The following KRT71 variants were observed in gnomAD, a reference collection of about 807,000 sequenced individuals.
The protein encoded by KRT71 is keratin, type II cytoskeletal 71.
In KRT71, 42 loss-of-function variants were observed where a neutral mutation model predicts 46.2. The ratio of observed to expected loss-of-function variants is 0.91; its 90% CI spans 0.71 to 1.18. The LOEUF (loss-of-function observed/expected upper bound fraction) is 1.18. KRT71 is among the 50% of genes most tolerant of loss of function. The probability of loss-of-function intolerance (pLI) is 0.00; values close to 1 mark genes in which losing one functional copy is unlikely to be tolerated. For synonymous variants in KRT71, 292 were observed against 277.8 expected, an observed-to-expected ratio of 1.05 and a Z score of -0.51; for missense variants, 708 against 677.9, an observed-to-expected ratio of 1.04 and a Z score of -0.49.
chr12:52,548,369 C>T, intron 4 of KRT71, 53 bp from the exon 5 acceptor site: 1 of 1,554,636 alleles, frequency 6.4e-7, no homozygotes, highest in Non-Finnish European at 8.7e-7. Context: ...GGAAGCCAAC[C>T]ACCACCCCCA....
At chr12:52,549,921 A>G in intron 2 of KRT71, 108 bp downstream of exon 2, 1 of 1,294,846 alleles carries the variant, frequency 7.7e-7, no homozygotes, top group South Asian at 1.3e-5. Flanking sequence ...ATGACCAAGA[A>G]CAATGCCCTC....
chr12:52,550,236 A>G lies in KRT71; in HGVS notation c.449T>C (p.Phe150Ser). 6.2e-7 allele frequency: 1 copy of G among 1,614,072 alleles called. No individual in the cohort carries two copies. Among genetic ancestry groups the G allele is most frequent in the South Asian group, 1.1e-5 (1 of 91,070 alleles). ...KFASFIDKVR[F>S]LEQQNQVLET... ...CAGTACCTGGTTCTGCTGCTCCAGG[A>G]ACCGCACCTGGAACCCAGATCCCAG... Residue 150 changes from phenylalanine (F) to serine (S), a missense_variant, in exon 2 of 9, where the codon TTC becomes TCC. Physicochemically the swap from Phe to Ser is radical, Grantham distance 155. Coordinates refer to ENST00000267119, the MANE Select transcript of KRT71 (RefSeq NM_033448.3).
intron 7 of KRT71, 61 bp downstream of exon 7, chr12:52,546,225 C>A: frequency 6.3e-7 from 1 of 1,580,588 alleles, no homozygotes; most frequent in South Asian, 1.1e-5. Flanking sequence ...ATGTGTTAGG[C>A]TTTCTCCTTT....
chr12:52,548,325 G>T lies in KRT71; in HGVS notation c.814-9C>A. 1.2e-6 allele frequency: 2 copies of T among 1,603,016 alleles called. No homozygotes were observed. The highest frequency in any genetic ancestry group is 1.7e-6 in the Non-Finnish European group (2 of 1,174,006). ...TGGATCTGAGTGATCTCCTGCAGGGGACACAGAAATGGTCTCTCGGCTCAA... is the reference window on the plus strand; with the variant it reads ...TGGATCTGAGTGATCTCCTGCAGGGTACACAGAAATGGTCTCTCGGCTCAA... On this transcript the variant is annotated splice_polypyrimidine_tract_variant and intron_variant, in intron 4 of 8. Coordinates refer to ENST00000267119, the MANE Select transcript of KRT71 (RefSeq NM_033448.3).
intron 4 of KRT71, 114 bp from the exon 5 acceptor site, chr12:52,548,430 G>C: frequency 8.1e-7 from 1 of 1,238,352 alleles, no homozygotes; most frequent in Admixed American, 2.2e-5. Flanking sequence ...GGAACCCAAG[G>C]CTGCTGCCAT....
At position 52,544,017 on chromosome 12, in the gene KRT71, A is replaced by T. The variant is rs1482328320; in HGVS notation, c.*515T>A. ...CTTCTGGGTGCAGGTGAGTGGAGAA[A>T]AAGGCCCTGAATTGCACTTGGTCCC... On this transcript the variant is annotated 3_prime_UTR_variant, in exon 9 of 9. Transcript: ENST00000267119. 6.3e-6 allele frequency: 1 copy of T among 159,590 alleles called. No homozygotes were observed. Among genetic ancestry groups the T allele is most frequent in the Non-Finnish European group, 1.4e-5 (1 of 72,070 alleles). The allele number at this position is 159,590 out of a possible 1,614,324, so 9.9% of individuals were successfully genotyped here. A position where few individuals can be genotyped will look rare whatever the true frequency, so the allele number is the denominator to read the frequency against.
rs140307648 is a variant in KRT71, at chr12:52,544,619, G to A, written c.1485C>T (p.Gly495=). Residue 495 remains glycine (G), a synonymous_variant, in exon 9 of 9, where the codon GGC becomes GGT. Coordinates refer to ENST00000267119, the MANE Select transcript of KRT71 (RefSeq NM_033448.3). The part of the protein sequence containing the change: ...SGVCSVRGGE[G]RSRGSANDYK... Reference sequence around the variant, plus strand: ...AATCGTTGGCACTGCCCCGGCTCCTGCCCTCCCCGCCTCTCACGCTGCACA... The same window carrying A: ...AATCGTTGGCACTGCCCCGGCTCCTACCCTCCCCGCCTCTCACGCTGCACA... 2.2e-4 allele frequency: 360 copies of A among 1,613,990 alleles called. No homozygotes were observed. The African/African-American group carries it at 4.4e-3, about 20-fold the overall frequency.
chr12:52,549,017 CG>C (rs1939112314), intron 3 of KRT71, among the ~76,000 whole-genome samples: 1 of 152,156 alleles, frequency 6.6e-6, no homozygotes. Context: ...AGCTGGGTCC[CG>C]GGGCTGCAGG....
At chr12:52,550,873 C>T (rs1278929234) in intron 1 of KRT71, among the ~76,000 whole-genome samples, 2 of 152,202 alleles carry the variant, frequency 1.3e-5, no homozygotes, top group Non-Finnish European at 1.5e-5. Flanking sequence ...TCCATACACA[C>T]CTCTTGTTTG....
At chr12:52,544,888 A>T (rs1939034086) in intron 8 of KRT71, 145 bp from the exon 9 acceptor site, 1 of 692,816 alleles carries the variant, frequency 1.4e-6, no homozygotes, top group Non-Finnish European at 2.5e-6. Flanking sequence ...TGTACCAAAG[A>T]CAGCTTCCCT....
Position 52,552,977 on chromosome 12 carries a change from G to T in KRT71, c.101C>A (p.Ala34Glu), listed in dbSNP as rs780306278. The change falls in exon 1 of 9, where the codon GCA becomes GAA. Residue 34 changes from alanine (A) to glutamate (E), a missense_variant. Coordinates refer to ENST00000267119, the MANE Select transcript of KRT71 (RefSeq NM_033448.3). Reference protein sequence around the residue: ...LSGGSSSSFRAGSKGLSGGFG... With the variant: ...LSGGSSSSFREGSKGLSGGFG... Reference sequence around the variant, plus strand: ...GCCCCCACTGAGCCCTTTGCTCCCTGCCCGGAAGGAGGATGAGCTGCCCCC... The same window carrying T: ...GCCCCCACTGAGCCCTTTGCTCCCTTCCCGGAAGGAGGATGAGCTGCCCCC... The T allele has an allele frequency of 6.2e-7, 1 of 1,614,176 alleles. No individual in the cohort carries two copies. Among genetic ancestry groups the T allele is most frequent in the Non-Finnish European group, 8.5e-7 (1 of 1,180,046 alleles).
At chr12:52,549,922 C>A (rs1486225971) in intron 2 of KRT71, 107 bp downstream of exon 2, 10 of 1,298,628 alleles carry the variant, frequency 7.7e-6, no homozygotes, top group Non-Finnish European at 9.8e-6. Flanking sequence ...TGACCAAGAA[C>A]AATGCCCTCC....
At chr12:52,549,617 C>A (rs1668285582) in intron 2 of KRT71, among the ~76,000 whole-genome samples, 1 of 152,160 alleles carries the variant, frequency 6.6e-6, no homozygotes, top group Non-Finnish European at 1.5e-5. Flanking sequence ...CTCAGAGGAA[C>A]CAGGATGTGA....
rs1046392996 is a variant in KRT71 at position 52,544,188 on chromosome 12, G to T, written c.*344C>A. On this transcript the variant is annotated 3_prime_UTR_variant, in exon 9 of 9. Coordinates refer to ENST00000267119, the MANE Select transcript of KRT71 (RefSeq NM_033448.3). ...TAGGTCCCAGTGTGTGCGGGGCCTT[G>T]GGCAGAGACCCAGGGAGCCCAGCAG... The T allele has an allele frequency of 8.1e-6, 3 of 368,124 alleles. No individual in the cohort carries two copies. Among genetic ancestry groups the T allele is most frequent in the African/African-American group, 2.0e-5 (1 of 49,132 alleles). 22.8% of individuals were successfully genotyped at this position (368,124 alleles called of 1,614,324 possible). A position where few individuals can be genotyped will look rare whatever the true frequency, so the allele number is the denominator to read the frequency against.
intron 1 of KRT71, among the ~76,000 whole-genome samples, chr12:52,550,733 C>T (rs1939154619): frequency 6.6e-6 from 1 of 152,202 alleles, no homozygotes; most frequent in African/African-American, 2.4e-5. Flanking sequence ...CCCTCCTCTC[C>T]CTCCTTGGTC....
Position 52,546,330 on chromosome 12 carries a change from C to A in KRT71, c.1281G>T (p.Met427Ile). The change falls in exon 7 of 9, where the codon ATG becomes ATT. Residue 427 changes from methionine (M) to isoleucine (I), a missense_variant. Met to Ile is a conservative substitution (Grantham distance 10, BLOSUM62 1). Coordinates refer to ENST00000267119, the MANE Select transcript of KRT71 (RefSeq NM_033448.3). The part of the protein sequence containing the change: ...ELMSLKLALD[M>I]EIATYRKLLE... ...GTAGCTTGCGATAGGTGGCGATCTC[C>A]ATGTCCAGGGCCAGCTTCAGGCTCA... The A allele has an allele frequency of 1.2e-6, 2 of 1,614,178 alleles. No homozygotes were observed. The highest frequency in any genetic ancestry group is 3.3e-5 in the Admixed American group (2 of 60,026).
intron 2 of KRT71, 21 bp downstream of exon 2, chr12:52,550,008 A>AG: frequency 6.2e-7 from 1 of 1,613,576 alleles, no homozygotes. Context: ...GTCCAGTTAC[A>AG]GGGGGACTCC....
At chr12:52,546,168 C>T (rs977489554) in intron 7 of KRT71, 118 bp downstream of exon 7, 2 of 1,062,592 alleles carry the variant, frequency 1.9e-6, no homozygotes, top group Non-Finnish European at 2.7e-6. Context: ...TTATTTCTAT[C>T]CTCATCACCC....
rs150286972 is a variant in KRT71, at chr12:52,547,911, C to T, written c.1050G>A (p.Glu350=). Residue 350 remains glutamate, a synonymous_variant, in exon 6 of 9, where the codon GAG becomes GAA. Transcript: ENST00000267119. The part of the protein sequence containing the change: ...DLKNTKNEIS[E]LTRLIQRIRS... ...GGATTCTCTGGATGAGCCGAGTGAG[C>T]TCCGAGATTTCATTCTTGGTGTTTT... The T allele has an allele frequency of 8.9e-4, 1,429 of 1,614,226 alleles. 16 individuals carry two copies. In the Middle Eastern group the frequency reaches 0.027, roughly 30 times the overall value.
Sources: gnomAD v4.1 joint callset for allele counts (sites outside exome capture counted in the v4.1 genomes callset) on GRCh38, gnomAD v4.1.1 for gene constraint, MANE v1.5 for transcripts, NCBI Gene and HGNC (gene_info 2026-07-23, HGNC 2026-07-21) for gene names.